The following CDK14 variants were observed in gnomAD, a reference collection of about 807,000 sequenced individuals.
The protein encoded by CDK14 is cyclin-dependent kinase 14.
Under a neutral mutation model 60.7 loss-of-function variants are expected in CDK14, and 34 were observed. That is an observed-to-expected ratio of 0.56 (90% CI 0.43 to 0.75). The LOEUF is 0.75. Ranked by LOEUF, CDK14 falls within the 30% of genes least tolerant of loss-of-function variation. The pLI is 0.00. For missense variants in CDK14, 482 were observed against 564.1 expected, an observed-to-expected ratio of 0.85 and a Z score of 1.47; for synonymous variants, 197 against 203.7, an observed-to-expected ratio of 0.97 and a Z score of 0.28.
At chr7:90,984,886 T>C (rs570659924) in intron 10 of CDK14, among the ~76,000 whole-genome samples, 111 of 152,268 alleles carry the variant, frequency 7.3e-4, no homozygotes, top group African/African-American at 2.5e-3. Context: ...TCTTCAAAAC[T>C]GTCAAGGTCA....
At chr7:91,137,692 G>GGA (rs1562920428) in intron 14 of CDK14, among the ~76,000 whole-genome samples, 4 of 29,336 alleles carry the variant, frequency 1.4e-4, no homozygotes, top group African/African-American at 5.7e-4. Flanking sequence ...GACTTGTGGG[G>GGA]GGTGTGTGTG....
chr7:90,870,179 A>G (rs1791322245), intron 6 of CDK14, among the ~76,000 whole-genome samples: 1 of 152,238 alleles, frequency 6.6e-6, no homozygotes, highest in South Asian at 2.1e-4. Context: ...CAAAGAGATC[A>G]TGTCCTTTGC....
At chr7:90,788,898 C>T (rs1805710472) in intron 4 of CDK14, among the ~76,000 whole-genome samples, 2 of 152,062 alleles carry the variant, frequency 1.3e-5, no homozygotes, top group East Asian at 1.9e-4. Flanking sequence ...TTGGCAAAAT[C>T]AGACACTGAG....
At chr7:90,816,524 T>TA (rs1789366078) in intron 5 of CDK14, among the ~76,000 whole-genome samples, 1 of 152,198 alleles carries the variant, frequency 6.6e-6, no homozygotes, top group African/African-American at 2.4e-5. Flanking sequence ...ACTGGATCAT[T>TA]AATGTGGCCA....
chr7:90,711,784 A>G (rs1176910018), intron 2 of CDK14, among the ~76,000 whole-genome samples: 1 of 152,084 alleles, frequency 6.6e-6, no homozygotes, highest in Non-Finnish European at 1.5e-5. Flanking sequence ...TCTCCTTTTA[A>G]AAAAGCATTT....
chr7:91,166,495 A>G lies in CDK14; in HGVS notation c.*29-40670A>G, dbSNP rs1801350352. ...AGCTACTCTACTGATACATTAATCT[A>G]TGAAATGAAATTGTATCATAGAAAG... On this transcript the variant is annotated intron_variant, in intron 14 of 14. Transcript: ENST00000380050. Among the ~76,000 whole-genome samples, 3 of 152,272 alleles carry G rather than the reference A, an allele frequency of 2.0e-5. No individual in the cohort carries two copies. The South Asian group carries it at 6.2e-4, about 32-fold the overall frequency.
rs138248927 is a variant in CDK14, at chr7:90,609,400, G to C, written c.123+5151G>C. Among the ~76,000 whole-genome samples the C allele has an allele frequency of 8.0e-4, 122 of 152,278 alleles. 2 individuals are homozygous for C. The highest frequency in any genetic ancestry group is 6.0e-3 in the South Asian group (29 of 4,822). On this transcript the variant is annotated intron_variant, in intron 2 of 14. Coordinates refer to ENST00000380050, the MANE Select transcript of CDK14 (RefSeq NM_001287135.2). ...CGTGTCCCTGCCAAATCTCGTGTTG[G>C]AAGGGGGGCCTGGTGGGAGGTGATT...
chr7:90,847,110 G>A (rs1318426857), intron 5 of CDK14, among the ~76,000 whole-genome samples: 1 of 152,142 alleles, frequency 6.6e-6, no homozygotes, highest in East Asian at 1.9e-4. Flanking sequence ...ATTTCTCTAG[G>A]CAGGTTATGC....
intron 2 of CDK14, among the ~76,000 whole-genome samples, chr7:90,643,124 GCT>G (rs1201396620): frequency 6.6e-6 from 1 of 152,332 alleles, no homozygotes; most frequent in East Asian, 1.9e-4. Flanking sequence ...TGTATGTACA[GCT>G]CAAAAGATGA....
intron 8 of CDK14, among the ~76,000 whole-genome samples, chr7:90,952,752 G>A (rs1794299388): frequency 6.6e-6 from 1 of 152,104 alleles, no homozygotes; most frequent in Non-Finnish European, 1.5e-5. Context: ...GTGTAGCTCT[G>A]TTCCTGTAGT....
chr7:90,894,932 A>G (rs944587072), intron 6 of CDK14, among the ~76,000 whole-genome samples: 1 of 152,100 alleles, frequency 6.6e-6, no homozygotes, highest in East Asian at 1.9e-4. Context: ...GAATTTTAGC[A>G]CCTACTGTTA....
intron 2 of CDK14, among the ~76,000 whole-genome samples, chr7:90,673,492 G>T (rs1801139085): frequency 6.7e-6 from 1 of 149,522 alleles, no homozygotes; most frequent in African/African-American, 2.4e-5. Context: ...CACAGTCACG[G>T]CTCACTGCAG....
intron 4 of CDK14, among the ~76,000 whole-genome samples, chr7:90,750,200 A>ACC: frequency 1.1e-5 from 1 of 87,630 alleles, no homozygotes; most frequent in South Asian, 4.2e-4. Flanking sequence ...ACACACACAC[A>ACC]CCAATAATAT....
chr7:90,635,417 C>T (rs1486600629), intron 2 of CDK14, among the ~76,000 whole-genome samples: 1 of 152,192 alleles, frequency 6.6e-6, no homozygotes, highest in East Asian at 1.9e-4. Flanking sequence ...TTGTTTTTCT[C>T]AGGTCTGTCA....
At chr7:90,891,434 T>A (rs1029588797) in intron 6 of CDK14, among the ~76,000 whole-genome samples, 1 of 152,238 alleles carries the variant, frequency 6.6e-6, no homozygotes, top group African/African-American at 2.4e-5. Flanking sequence ...TGTTTACACA[T>A]AAACTATGCC....
chr7:91,146,198 T>G (rs1318050838), intron 14 of CDK14, among the ~76,000 whole-genome samples: 1 of 152,102 alleles, frequency 6.6e-6, no homozygotes, highest in Non-Finnish European at 1.5e-5. Flanking sequence ...TCTTATTGAT[T>G]GATGGATTGA....
intron 2 of CDK14, among the ~76,000 whole-genome samples, chr7:90,683,179 G>A (rs1051394556): frequency 1.3e-5 from 2 of 151,978 alleles, no homozygotes; most frequent in Non-Finnish European, 2.9e-5. Context: ...CCTCCAAATT[G>A]ACCCTTGGCC....
At chr7:91,033,519 T>A (rs1238997347) in intron 10 of CDK14, among the ~76,000 whole-genome samples, 1 of 152,208 alleles carries the variant, frequency 6.6e-6, no homozygotes, top group Non-Finnish European at 1.5e-5. Context: ...CCTGGGGTTC[T>A]TCATGAGCTG....
chr7:90,828,389 G>C (rs1789797396), intron 5 of CDK14, among the ~76,000 whole-genome samples: 1 of 152,114 alleles, frequency 6.6e-6, no homozygotes, highest in South Asian at 2.1e-4. Context: ...TCTCTACCTT[G>C]AAGTAATTAT....
Sources: allele counts gnomAD v4.1 joint callset (sites outside exome capture counted in the v4.1 genomes callset), GRCh38; gene constraint gnomAD v4.1.1; transcripts MANE v1.5; gene names NCBI Gene and HGNC (gene_info 2026-07-23, HGNC 2026-07-21).